Variants in EYS observed in about 807,000 individuals in gnomAD.
EYS encodes protein eyes shut homolog.
In EYS, 250 loss-of-function variants were observed where a neutral mutation model predicts 282.1. That is an observed-to-expected ratio of 0.89 (90% CI 0.80 to 0.98). The LOEUF (loss-of-function observed/expected upper bound fraction) is 0.98, where lower values mean the gene tolerates loss of function less well. Ranked by LOEUF, EYS falls within the 50% of genes least tolerant of loss-of-function variation. The pLI is 0.00. For synonymous variants in EYS, 1,355 were observed against 1,282.9 expected (o/e 1.06, Z -1.20); for missense variants, 4,016 against 3,709.0 (o/e 1.08, Z -2.15).
At chr6:64,179,583 A>G (rs1024094391) in intron 31 of EYS, among the ~76,000 whole-genome samples, 9 of 152,116 alleles carry the variant, frequency 5.9e-5, no homozygotes, top group African/African-American at 2.2e-4. Flanking sequence ...AAAATGTTGA[A>G]TTAATGACTA....
At chr6:63,978,341 A>G (rs1285849461) in intron 35 of EYS, among the ~76,000 whole-genome samples, 2 of 151,970 alleles carry the variant, frequency 1.3e-5, no homozygotes, top group African/African-American at 4.8e-5. Flanking sequence ...TCACTGGTAA[A>G]CTTTTATATT....
At chr6:64,861,666 A>G (rs1299974981) in intron 19 of EYS, among the ~76,000 whole-genome samples, 1 of 152,184 alleles carries the variant, frequency 6.6e-6, no homozygotes. Flanking sequence ...CCACTTTTAA[A>G]TAAATTTTTT....
chr6:65,688,813 A>G (rs1171045860), intron 1 of EYS, among the ~76,000 whole-genome samples: 1 of 150,710 alleles, frequency 6.6e-6, no homozygotes, highest in African/African-American at 2.4e-5. Context: ...GCAAATCAAA[A>G]CCACAATGAG....
chr6:64,339,231 T>C (rs1770993609), intron 29 of EYS, among the ~76,000 whole-genome samples: 1 of 151,866 alleles, frequency 6.6e-6, no homozygotes, highest in Non-Finnish European at 1.5e-5. Flanking sequence ...AATGTATATA[T>C]CTGACAAAGG....
At chr6:65,410,137 A>G (rs552789870) in intron 5 of EYS, among the ~76,000 whole-genome samples, 3 of 152,232 alleles carry the variant, frequency 2.0e-5, no homozygotes, top group African/African-American at 7.2e-5. Context: ...CATTGTTTGA[A>G]TGATACTACC....
chr6:65,124,825 C>A (rs1775671760), intron 12 of EYS, among the ~76,000 whole-genome samples: 1 of 152,178 alleles, frequency 6.6e-6, no homozygotes, highest in Admixed American at 6.5e-5. Context: ...TGCTGTCCCC[C>A]ATTACACACC....
At chr6:65,125,996 G>A (rs1403950394) in intron 12 of EYS, among the ~76,000 whole-genome samples, 2 of 151,970 alleles carry the variant, frequency 1.3e-5, no homozygotes, top group African/African-American at 4.8e-5. Flanking sequence ...TATAATTTAC[G>A]TATGCATATG....
At chr6:65,448,886 T>C (rs1764299921) in intron 5 of EYS, among the ~76,000 whole-genome samples, 1 of 152,118 alleles carries the variant, frequency 6.6e-6, no homozygotes. Flanking sequence ...AAGAAGGCTG[T>C]GTTCACAATG....
chr6:64,322,075 A>G (rs1770235929), intron 29 of EYS, among the ~76,000 whole-genome samples: 1 of 152,024 alleles, frequency 6.6e-6, no homozygotes, highest in Non-Finnish European at 1.5e-5. Flanking sequence ...ACATGGATTT[A>G]ACAACTATTT....
chr6:65,443,490 C>T (rs559724429), intron 5 of EYS, among the ~76,000 whole-genome samples: 2 of 151,334 alleles, frequency 1.3e-5, no homozygotes, highest in African/African-American at 2.4e-5. Flanking sequence ...TACACATATG[C>T]GCATATACTT....
At chr6:64,785,258 T>C (rs1278177343) in intron 22 of EYS, among the ~76,000 whole-genome samples, 1 of 152,198 alleles carries the variant, frequency 6.6e-6, no homozygotes, top group African/African-American at 2.4e-5. Context: ...CTTTCCAGCT[T>C]AGTTAGCTGT....
At chr6:64,236,548 T>C (rs1374776431) in intron 30 of EYS, among the ~76,000 whole-genome samples, 5 of 152,200 alleles carry the variant, frequency 3.3e-5, no homozygotes, top group African/African-American at 1.2e-4. Context: ...CAGCAAAATA[T>C]AAGAGTTCAA....
chr6:64,681,768 C>T (rs562658030), intron 22 of EYS, among the ~76,000 whole-genome samples: 7 of 152,256 alleles, frequency 4.6e-5, no homozygotes, highest in Non-Finnish European at 8.8e-5. Context: ...CTCAGTCAGA[C>T]TAGGGTCCAA....
At chr6:64,335,510 G>A (rs1421369020) in intron 29 of EYS, among the ~76,000 whole-genome samples, 2 of 152,092 alleles carry the variant, frequency 1.3e-5, no homozygotes, top group African/African-American at 4.8e-5. Context: ...CTCGCTTCCT[G>A]TCTCACGTAG....
At chr6:63,838,383 G>A (rs559651567) in intron 36 of EYS, among the ~76,000 whole-genome samples, 2 of 152,286 alleles carry the variant, frequency 1.3e-5, no homozygotes, top group East Asian at 3.9e-4. Context: ...TAAAGCCAAA[G>A]ATGCTAAAGG....
chr6:64,875,234 T>C (rs192070546), intron 19 of EYS, among the ~76,000 whole-genome samples: 65 of 152,212 alleles, frequency 4.3e-4, no homozygotes, highest in African/African-American at 1.5e-3. Context: ...TTTGTGTGTG[T>C]GTGTGTGCTG....
chr6:64,538,085 G>A (rs969351160), intron 26 of EYS, among the ~76,000 whole-genome samples: 6 of 152,118 alleles, frequency 3.9e-5, no homozygotes, highest in Non-Finnish European at 7.4e-5. Flanking sequence ...AATTGTTCGG[G>A]AAATTTTTGG....
intron 12 of EYS, among the ~76,000 whole-genome samples, chr6:65,260,506 C>T (rs1258617027): frequency 1.3e-5 from 2 of 152,010 alleles, no homozygotes; most frequent in Non-Finnish European, 2.9e-5. Flanking sequence ...CACCACAATG[C>T]CACTTTTTCC....
intron 12 of EYS, among the ~76,000 whole-genome samples, chr6:65,130,941 A>G (rs965019768): frequency 2.0e-5 from 3 of 151,654 alleles, no homozygotes; most frequent in Non-Finnish European, 3.0e-5. Context: ...ACTCAATAAG[A>G]AAGAAAAAAT....
Sources: allele counts gnomAD v4.1 joint callset (sites outside exome capture counted in the v4.1 genomes callset), GRCh38; gene constraint gnomAD v4.1.1; transcripts MANE v1.5; gene names NCBI Gene and HGNC (gene_info 2026-07-23, HGNC 2026-07-21).